The following FLYWCH1 variants were observed in gnomAD, a reference collection of about 807,000 sequenced individuals.
FLYWCH1 encodes the protein FLYWCH-type zinc finger 1, also known as FLYWCH-type zinc finger-containing protein 1.
Under a neutral mutation model 66.4 loss-of-function variants are expected in FLYWCH1, and 75 were observed. The observed-to-expected ratio is 1.13, with a 90% CI of 0.94 to 1.37. The LOEUF (loss-of-function observed/expected upper bound fraction) is 1.37, where lower values mean the gene tolerates loss of function less well. Ranked by LOEUF, FLYWCH1 falls within the 40% of genes most tolerant of loss-of-function variation. The pLI, the probability that FLYWCH1 is intolerant of heterozygous loss-of-function variation, is 0.00. For missense variants in FLYWCH1, 1,334 were observed against 1,001.8 expected (o/e 1.33, Z -4.48); for synonymous variants, 595 against 429.9 (o/e 1.38, Z -4.75).
chr16:2,945,239 G>A (rs1271334381), intron 9 of FLYWCH1, among the ~76,000 whole-genome samples: 2 of 152,128 alleles, frequency 1.3e-5, no homozygotes, highest in Admixed American at 6.5e-5. Flanking sequence ...TGTAATCCCA[G>A]CACTTTGGGA....
At chr16:2,939,681 C>T (rs555108026) in intron 8 of FLYWCH1, 50 of 245,220 alleles carry the variant, frequency 2.0e-4, no homozygotes, top group African/African-American at 1.1e-3. Context: ...GCCTGGGTGA[C>T]AGAACAAGAC....
At chr16:2,913,096 C>G (rs1225690160) in intron 1 of FLYWCH1, 1 of 152,152 alleles carries the variant, frequency 6.6e-6, no homozygotes, top group African/African-American at 2.4e-5. Context: ...TGCACTAAGG[C>G]TGGAGATGGA....
In FLYWCH1 at chr16:2,938,305, C is replaced by G; in HGVS notation, c.1899C>G (p.Asp633Glu). ...AGAAGGTGTACTGGATGTGCCGGGACCAGGCTCGGCTGGGCTGCCGCAGCC... is the reference window on the plus strand; with the variant it reads ...AGAAGGTGTACTGGATGTGCCGGGAGCAGGCTCGGCTGGGCTGCCGCAGCC... ...AGEKVYWMCRDQARLGCRSRA... is the reference protein window; with the variant it reads ...AGEKVYWMCREQARLGCRSRA... The change falls in exon 8 of 10, where the codon GAC becomes GAG. Residue 633 changes from aspartate to glutamate, a missense_variant. Physicochemically the swap from Asp to Glu is conservative, Grantham distance 45 (BLOSUM62 2). Transcript: ENST00000253928. 6.2e-7 allele frequency: 1 copy of G among 1,610,568 alleles called. No individual in the cohort carries two copies. The highest frequency in any genetic ancestry group is 8.5e-7 in the Non-Finnish European group (1 of 1,178,506).
chr16:2,927,170 A>G (rs55882215), intron 2 of FLYWCH1, among the ~76,000 whole-genome samples: 10 of 152,302 alleles, frequency 6.6e-5, no homozygotes, highest in Non-Finnish European at 1.0e-4. Context: ...ATACGTCAGC[A>G]CCACAGGGCG....
intron 2 of FLYWCH1, among the ~76,000 whole-genome samples, chr16:2,927,412 A>ACTCCTTCCTT (rs2070609550): frequency 2.6e-5 from 4 of 152,198 alleles, no homozygotes; most frequent in African/African-American, 9.7e-5. Context: ...ATGTTAAAAG[A>ACTCCTTCCTT]CATGAAGGAA....
At chr16:2,940,217 G>C (rs997999431) in intron 9 of FLYWCH1, 125 bp downstream of exon 9, 7 of 618,254 alleles carry the variant, frequency 1.1e-5, no homozygotes, top group Non-Finnish European at 8.9e-6. Context: ...GGGCTGGGTG[G>C]TTCTGACTCC....
rs571479712 is a variant in FLYWCH1 at position 2,950,046 on chromosome 16, G to C, written c.*1319G>C. On this transcript the variant is annotated 3_prime_UTR_variant, in exon 10 of 10. Transcript: ENST00000253928. ...CAGCTGCAGCCTGTGGCCTCTCCCA[G>C]GCCCGGATATGGCAGGACATTTGCG... 1 of 152,416 alleles carries C rather than the reference G, an allele frequency of 6.6e-6. No individual in the cohort carries two copies. Among genetic ancestry groups the C allele is most frequent in the East Asian group, 1.9e-4 (1 of 5,168 alleles). The allele number at this position is 152,416 out of a possible 1,614,324, so 9.4% of individuals were successfully genotyped here.
chr16:2,927,607 C>T (rs2070615693), intron 2 of FLYWCH1, among the ~76,000 whole-genome samples: 2 of 152,146 alleles, frequency 1.3e-5, no homozygotes. Flanking sequence ...CAAGTTAGAA[C>T]ATTTGGGGGG....
In FLYWCH1 at chr16:2,930,864, C is replaced by T; in HGVS notation, c.780C>T (p.Arg260=). 2 of 1,597,260 alleles carry T rather than the reference C, an allele frequency of 1.3e-6. No individual in the cohort carries two copies. The highest frequency in any genetic ancestry group is 8.5e-7 in the Non-Finnish European group (1 of 1,176,180). Residue 260 remains arginine, a synonymous_variant, in exon 4 of 10, where the codon CGC becomes CGT. Transcript: ENST00000253928. ...LSLLSLPPKK[R]SILGLGQARP... ...TGCTGAGCCTGCCGCCCAAGAAGCG[C>T]TCGATCCTGGGGCTGGGTGAGTACA...
At chr16:2,932,764 G>A (rs1028055859) in intron 4 of FLYWCH1, among the ~76,000 whole-genome samples, 8 of 152,156 alleles carry the variant, frequency 5.3e-5, no homozygotes, top group Admixed American at 4.6e-4. Context: ...AGACCACTGA[G>A]TCTGAGTCCA....
At chr16:2,916,075 C>G (rs924182127) in intron 2 of FLYWCH1, among the ~76,000 whole-genome samples, 5 of 151,488 alleles carry the variant, frequency 3.3e-5, no homozygotes, top group Non-Finnish European at 2.9e-5. Context: ...GGCCAGGTGC[C>G]GTGGCTCACA....
At position 2,938,098 on chromosome 16, in the gene FLYWCH1, G is replaced by T. The variant is rs1201909361; in HGVS notation, c.1778-86G>T. 2.2e-6 allele frequency: 3 copies of T among 1,349,616 alleles called. No homozygotes were observed. In the East Asian group the frequency reaches 7.4e-5, roughly 33 times the overall value. 83.6% of individuals were successfully genotyped at this position (1,349,616 alleles called of 1,614,324 possible). A position where few individuals can be genotyped will look rare whatever the true frequency, so the allele number is the denominator to read the frequency against. On this transcript the variant is annotated intron_variant, in intron 7 of 9. Transcript: ENST00000253928. The stretch of plus-strand genomic sequence containing the variant: ...CTAGGGGATCGCAGATTCCTGGTGG[G>T]GCCTGGCTGGGGGATACAAATCAGA...
At chr16:2,918,388 C>T (rs1567319622) in intron 2 of FLYWCH1, among the ~76,000 whole-genome samples, 4 of 151,912 alleles carry the variant, frequency 2.6e-5, no homozygotes, top group Non-Finnish European at 5.9e-5. Context: ...ACCTCGTGAT[C>T]CGCCTGCCTT....
chr16:2,945,779 T>C (rs562942594), intron 9 of FLYWCH1, among the ~76,000 whole-genome samples: 104 of 152,140 alleles, frequency 6.8e-4, no homozygotes, highest in African/African-American at 1.9e-3. Context: ...GGGCAGATCA[T>C]GAGATCAGGA....
At chr16:2,947,356 G>A (rs2071527318) in intron 9 of FLYWCH1, among the ~76,000 whole-genome samples, 1 of 152,204 alleles carries the variant, frequency 6.6e-6, no homozygotes, top group Admixed American at 6.6e-5. Context: ...GTTTCTTTTG[G>A]TGGGAGGTGA....
intron 2 of FLYWCH1, chr16:2,922,591 G>A (rs758402558): frequency 1.5e-5 from 5 of 329,966 alleles, no homozygotes; most frequent in Non-Finnish European, 2.3e-5. Flanking sequence ...CTGGCATGTC[G>A]TATGTTGCAG....
Position 2,917,437 on chromosome 16 carries a change from C to T in FLYWCH1, c.-74+3148C>T, listed in dbSNP as rs2070210711. 2.0e-5 allele frequency among the ~76,000 whole-genome samples: 3 copies of T among 151,738 alleles called. No individual in the cohort carries two copies. The South Asian group carries it at 6.3e-4, about 32-fold the overall frequency. On this transcript the variant is annotated intron_variant, in intron 2 of 9. Transcript: ENST00000253928. ...AGAGACGGGGTTTTGCCATGTTGGT[C>T]AGGCTGGTTTCGAACTCCTGACCTC... is the stretch of plus-strand genomic sequence containing the variant.
At chr16:2,941,813 G>A (rs997403939) in intron 9 of FLYWCH1, among the ~76,000 whole-genome samples, 3 of 151,738 alleles carry the variant, frequency 2.0e-5, no homozygotes, top group Non-Finnish European at 4.4e-5. Context: ...ACGAGACCAC[G>A]GGTTCAAGAC....
chr16:2,937,432 T>A, intron 7 of FLYWCH1, 48 bp downstream of exon 7: 1 of 1,473,560 alleles, frequency 6.8e-7, no homozygotes, highest in Non-Finnish European at 8.9e-7. Context: ...TCCCAGGACC[T>A]GTGCCCCACA....
Sources: gnomAD v4.1 joint callset for allele counts (sites outside exome capture counted in the v4.1 genomes callset) on GRCh38, gnomAD v4.1.1 for gene constraint, MANE v1.5 for transcripts, NCBI Gene and HGNC (gene_info 2026-07-23, HGNC 2026-07-21) for gene names.